VPS13A: variants seen among roughly 807,000 people sequenced by gnomAD.
VPS13A encodes the protein intermembrane lipid transfer protein VPS13A.
VPS13A carries 264 observed loss-of-function variants against 390.9 expected under a neutral mutation model. The observed-to-expected ratio is 0.68, with a 90% CI of 0.61 to 0.75. The LOEUF is 0.75. Ranked by LOEUF, VPS13A falls within the 30% of genes least tolerant of loss-of-function variation. The probability of loss-of-function intolerance (pLI) is 0.00; values close to 1 mark genes in which losing one functional copy is unlikely to be tolerated. For missense variants in VPS13A, 3,409 were observed against 3,733.9 expected, an observed-to-expected ratio of 0.91 and a Z score of 2.27; for synonymous variants, 1,231 against 1,227.1, an observed-to-expected ratio of 1.00 and a Z score of -0.07.
intron 61 of VPS13A, 74 bp downstream of exon 61, chr9:77,366,946 GAA>G (rs1832463811): frequency 6.6e-7 from 1 of 1,505,064 alleles, no homozygotes; most frequent in Non-Finnish European, 9.1e-7. Context: ...TTTCGTAAAT[GAA>G]AAAGTGTGTG....
rs545677478 is a variant in VPS13A at position 77,222,033 on chromosome 9, G to A, written c.1161+677G>A. ...TTAGCATTATGACATATTTCAAGAG[G>A]GACTCTTTTACAAATTGATGAACTA... On this transcript the variant is annotated intron_variant, in intron 13 of 71. Coordinates refer to ENST00000360280, the MANE Select transcript of VPS13A (RefSeq NM_033305.3). Among the ~76,000 whole-genome samples the A allele has an allele frequency of 3.3e-5, 5 of 152,034 alleles. No individual in the cohort carries two copies. The East Asian group carries it at 9.7e-4, about 29-fold the overall frequency.
chr9:77,382,088 G>T lies in VPS13A; in HGVS notation c.9189+1G>T. 1 of 1,600,882 alleles carries T rather than the reference G, an allele frequency of 6.2e-7. No individual in the cohort carries two copies. Among genetic ancestry groups the T allele is most frequent in the Non-Finnish European group, 8.5e-7 (1 of 1,171,160 alleles). On this transcript the variant is annotated splice_donor_variant, in intron 68 of 71. Coordinates refer to ENST00000360280, the MANE Select transcript of VPS13A (RefSeq NM_033305.3). LOFTEE classifies it high-confidence loss of function. ...TGGGACTGGAAATCAAATGTTACAG[G>T]TAAATTAAGAGCTATCTTATAAATT...
chr9:77,295,770 A>G lies in VPS13A; in HGVS notation c.3736A>G (p.Ile1246Val), dbSNP rs1827954373. Reference protein sequence around the residue: ...LITMTNTFHMITESQSSPPPV... With the variant: ...LITMTNTFHMVTESQSSPPPV... ...TACAATGACAAATACCTTTCATATG[A>G]TAACAGAGAGCCAGAGCTCTCCCCC... Residue 1246 changes from isoleucine to valine, a missense_variant, in exon 33 of 72, where the codon ATA (isoleucine) becomes GTA (valine). This residue lies in a region of VPS13A where 2,717 missense variants were observed against 2,917.4 expected (regional missense o/e 0.93). Transcript: ENST00000360280. 1 of 1,614,048 alleles carries G rather than the reference A, an allele frequency of 6.2e-7. No homozygotes were observed. Among genetic ancestry groups the G allele is most frequent in the South Asian group, 1.1e-5 (1 of 91,088 alleles).
chr9:77,398,130 A>G (rs1834193444), intron 68 of VPS13A, among the ~76,000 whole-genome samples: 1 of 152,158 alleles, frequency 6.6e-6, no homozygotes, highest in African/African-American at 2.4e-5. Flanking sequence ...GGATGGAGGA[A>G]GATAGGATTT....
At chr9:77,207,717 G>C (rs1825762352) in intron 5 of VPS13A, among the ~76,000 whole-genome samples, 1 of 152,040 alleles carries the variant, frequency 6.6e-6, no homozygotes, top group African/African-American at 2.4e-5. Context: ...TGGGAGAGAA[G>C]GGGACCTAAC....
rs1055333408 is a variant in VPS13A at position 77,407,382 on chromosome 9, C to A, written c.9400-151C>A. 7.1e-5 allele frequency: 42 copies of A among 592,498 alleles called. No homozygotes were observed. In the South Asian group the frequency reaches 9.6e-4, roughly 14 times the overall value. The allele number at this position is 592,498 out of a possible 1,614,324, so 36.7% of individuals were successfully genotyped here. On this transcript the variant is annotated intron_variant, in intron 70 of 71. Transcript: ENST00000360280. Reference sequence around the variant, plus strand: ...GTCTTTTTTTCTATTGGTTTTGATTCTTCTTGCTTCCTCATTCTTGTCTTT... The same window carrying A: ...GTCTTTTTTTCTATTGGTTTTGATTATTCTTGCTTCCTCATTCTTGTCTTT...
intron 68 of VPS13A, among the ~76,000 whole-genome samples, chr9:77,401,531 A>G (rs1241202400): frequency 6.6e-6 from 1 of 152,088 alleles, no homozygotes; most frequent in Non-Finnish European, 1.5e-5. Flanking sequence ...TTAAACTTAC[A>G]TGTAAATATT....
Position 77,302,910 on chromosome 9 carries a change from TA to T in VPS13A, c.3813-4del. On this transcript the variant is annotated splice_polypyrimidine_tract_variant and splice_region_variant and intron_variant, in intron 33 of 71. Coordinates refer to ENST00000360280, the MANE Select transcript of VPS13A (RefSeq NM_033305.3). The stretch of plus-strand genomic sequence containing the variant: ...AATTTAAAAGAATGTTATCTCTACT[TA>T]TAGATCTCGATTTATTAATGATGCA... The T allele has an allele frequency of 2.5e-6, 4 of 1,611,446 alleles. No individual in the cohort carries two copies. The highest frequency in any genetic ancestry group is 3.4e-6 in the Non-Finnish European group (4 of 1,177,694).
At chr9:77,239,759 A>G (rs1449878847) in intron 19 of VPS13A, among the ~76,000 whole-genome samples, 1 of 151,808 alleles carries the variant, frequency 6.6e-6, no homozygotes, top group Non-Finnish European at 1.5e-5. Flanking sequence ...GTGCTTTTGA[A>G]TTTGGTTTTC....
At chr9:77,266,296 A>C (rs900993324) in intron 23 of VPS13A, among the ~76,000 whole-genome samples, 1 of 152,180 alleles carries the variant, frequency 6.6e-6, no homozygotes. Context: ...AGTTCTGTAG[A>C]TGTCTATTAG....
Position 77,295,764 on chromosome 9 carries a change from C to T in VPS13A, c.3730C>T (p.His1244Tyr), listed in dbSNP as rs772856548. ...ACTAATTACAATGACAAATACCTTT[C>T]ATATGATAACAGAGAGCCAGAGCTC... ...FGLITMTNTF[H>Y]MITESQSSPP... The change falls in exon 33 of 72, where the codon CAT (histidine) becomes TAT (tyrosine). Residue 1244 changes from histidine to tyrosine, a missense_variant. His to Tyr is a moderately conservative substitution (Grantham distance 83). Transcript: ENST00000360280. 1.9e-5 allele frequency: 31 copies of T among 1,613,896 alleles called. No individual in the cohort carries two copies. The South Asian group carries it at 3.4e-4, about 18-fold the overall frequency.
chr9:77,200,345 C>T (rs1297476422), intron 2 of VPS13A, among the ~76,000 whole-genome samples: 1 of 151,968 alleles, frequency 6.6e-6, no homozygotes, highest in Non-Finnish European at 1.5e-5. Flanking sequence ...AAAGCTTCGC[C>T]AGGCATGGTG....
intron 59 of VPS13A, among the ~76,000 whole-genome samples, chr9:77,364,876 T>C (rs150273934): frequency 2.0e-5 from 3 of 152,326 alleles, no homozygotes; most frequent in Admixed American, 2.0e-4. Context: ...TTTCTAAATA[T>C]ACTTTTTATA....
chr9:77,356,927 T>A (rs1831823123), intron 55 of VPS13A, 60 bp downstream of exon 55: 1 of 1,585,366 alleles, frequency 6.3e-7, no homozygotes, highest in Non-Finnish European at 8.6e-7. Context: ...GTTTGGTGAA[T>A]CACTAGTGAA....
chr9:77,393,849 A>G (rs1009613677), intron 68 of VPS13A, among the ~76,000 whole-genome samples: 1 of 151,864 alleles, frequency 6.6e-6, no homozygotes, highest in Non-Finnish European at 1.5e-5. Flanking sequence ...GCTCACTGCA[A>G]CCTCCGCCTC....
chr9:77,197,838 C>T (rs1825093286), intron 1 of VPS13A, among the ~76,000 whole-genome samples: 1 of 152,218 alleles, frequency 6.6e-6, no homozygotes. Flanking sequence ...GTCACTGTCT[C>T]AGCTGCCCAT....
Position 77,420,189 on chromosome 9 carries a change from T to C in VPS13A, c.*4183T>C, listed in dbSNP as rs896946955. ...GATTTGTCGGTTAAAATTTTGATTC[T>C]TGTAATCTGTACTGTCAATTTTTGG... On this transcript the variant is annotated 3_prime_UTR_variant, in exon 72 of 72. Transcript: ENST00000360280. 11 of 152,212 alleles carry C rather than the reference T, an allele frequency of 7.2e-5. No homozygotes were observed. Among genetic ancestry groups the C allele is most frequent in the African/African-American group, 2.7e-4 (11 of 41,448 alleles). 9.4% of individuals were successfully genotyped at this position (152,212 alleles called of 1,614,324 possible). A position where few individuals can be genotyped will look rare whatever the true frequency, so the allele number is the denominator to read the frequency against.
chr9:77,329,643 G>T (rs1185279372), intron 45 of VPS13A, among the ~76,000 whole-genome samples: 1 of 152,210 alleles, frequency 6.6e-6, no homozygotes, highest in East Asian at 1.9e-4. Flanking sequence ...AAATATGACA[G>T]TGAGGCACTT....
intron 65 of VPS13A, 109 bp from the exon 66 acceptor site, chr9:77,370,781 C>T: frequency 6.8e-7 from 1 of 1,480,690 alleles, no homozygotes; most frequent in Non-Finnish European, 9.3e-7. Context: ...TCTGTTAATT[C>T]TTATGCTATA....
Sources: allele counts gnomAD v4.1 joint callset (sites outside exome capture counted in the v4.1 genomes callset), GRCh38; gene constraint gnomAD v4.1.1; regional missense constraint gnomAD v4.1.1; transcripts MANE v1.5; gene names NCBI Gene and HGNC (gene_info 2026-07-23, HGNC 2026-07-21).